The following NKAIN3 variants were observed in gnomAD, a reference collection of about 807,000 sequenced individuals.
NKAIN3 encodes the protein sodium/potassium transporting ATPase interacting 3, also known as sodium/potassium-transporting ATPase subunit beta-1-interacting protein 3.
A neutral mutation model predicts 30.2 loss-of-function variants in NKAIN3; 25 were observed. The observed-to-expected ratio is 0.83, with a 90% confidence interval of 0.60 to 1.16. The LOEUF (loss-of-function observed/expected upper bound fraction) is 1.16. Among genes scored for constraint, NKAIN3 ranks in the 50% most tolerant of loss-of-function variants. The probability of loss-of-function intolerance (pLI) is 0.00; values close to 1 mark genes in which losing one functional copy is unlikely to be tolerated. For synonymous variants in NKAIN3, 91 were observed against 89.6 expected, an observed-to-expected ratio of 1.02 and a Z score of -0.09; for missense variants, 225 against 254.1, an observed-to-expected ratio of 0.89 and a Z score of 0.78.
intron 4 of NKAIN3, among the ~76,000 whole-genome samples, chr8:62,841,996 C>T (rs1819543216): frequency 6.6e-6 from 1 of 152,102 alleles, no homozygotes; most frequent in Admixed American, 6.6e-5. Context: ...TGGTAAAAGC[C>T]ATTCTATTGG....
intron 4 of NKAIN3, among the ~76,000 whole-genome samples, chr8:62,865,357 G>A (rs1245109784): frequency 6.6e-6 from 1 of 152,208 alleles, no homozygotes; most frequent in African/African-American, 2.4e-5. Context: ...TTCCCAGAGC[G>A]TTGGACATAA....
intron 4 of NKAIN3, among the ~76,000 whole-genome samples, chr8:62,897,879 G>A (rs1821482715): frequency 6.6e-6 from 1 of 152,252 alleles, no homozygotes; most frequent in South Asian, 2.1e-4. Flanking sequence ...GACACAAGTT[G>A]ACGCAGCCTA....
At chr8:62,824,219 G>C (rs193294551) in intron 4 of NKAIN3, among the ~76,000 whole-genome samples, 4 of 152,276 alleles carry the variant, frequency 2.6e-5, no homozygotes, top group Admixed American at 2.0e-4. Flanking sequence ...TTCCGTGAAA[G>C]TATCTGAGCA....
chr8:62,416,862 C>T (rs1476108624), intron 1 of NKAIN3, among the ~76,000 whole-genome samples: 2 of 151,718 alleles, frequency 1.3e-5, no homozygotes, highest in Non-Finnish European at 2.9e-5. Flanking sequence ...AGCATGGTGG[C>T]GCACCAGTAA....
At chr8:62,256,439 CAAAT>C (rs150120749) in intron 1 of NKAIN3, among the ~76,000 whole-genome samples, 5,045 of 152,054 alleles carry the variant, frequency 0.033, 300 homozygotes, top group African/African-American at 0.12. Flanking sequence ...AACAAACAAA[CAAAT>C]AAGTAAATAA....
intron 3 of NKAIN3, among the ~76,000 whole-genome samples, chr8:62,739,716 A>G (rs1815802596): frequency 6.6e-6 from 1 of 152,198 alleles, no homozygotes; most frequent in Non-Finnish European, 1.5e-5. Flanking sequence ...TGAAAATAAA[A>G]GGCTCGATAA....
intron 4 of NKAIN3, among the ~76,000 whole-genome samples, chr8:62,756,126 G>T (rs1030941410): frequency 6.6e-6 from 1 of 152,132 alleles, no homozygotes; most frequent in East Asian, 1.9e-4. Flanking sequence ...TCATTTTAAA[G>T]TGTACAATTC....
intron 1 of NKAIN3, among the ~76,000 whole-genome samples, chr8:62,417,285 G>T (rs528802634): frequency 2.6e-5 from 4 of 152,150 alleles, no homozygotes; most frequent in South Asian, 2.1e-4. Context: ...CATCCATGTT[G>T]TTGCAGATAA....
rs1402726012 is a variant in NKAIN3, at chr8:62,345,494, C to CATATAT, written c.54+96368_54+96369insTATATA. On this transcript the variant is annotated intron_variant, in intron 1 of 6. Coordinates refer to ENST00000623646, the MANE Select transcript of NKAIN3 (RefSeq NM_001304533.3). Reference sequence around the variant, plus strand: ...ATATACACATATATGTATATATACACACATATATACACATATATACACATA... The same window carrying CATATAT: ...ATATACACATATATGTATATATACACATATATACATATATACACATATATACACATA... Among the ~76,000 whole-genome samples, 34 of 7,248 alleles carry CATATAT rather than the reference C, an allele frequency of 4.7e-3. 2 individuals carry two copies. The highest frequency in any genetic ancestry group is 7.1e-3 in the Non-Finnish European group (16 of 2,268). The allele number at this position is 7,248 out of a possible 152,430, so 4.8% of individuals were successfully genotyped here. A position where few individuals can be genotyped will look rare whatever the true frequency, so the allele number is the denominator to read the frequency against.
At chr8:62,545,311 A>G (rs1333192040) in intron 1 of NKAIN3, among the ~76,000 whole-genome samples, 1 of 152,130 alleles carries the variant, frequency 6.6e-6, no homozygotes, top group Non-Finnish European at 1.5e-5. Context: ...TCCACTGGGC[A>G]TGGTGGCTCA....
chr8:62,635,990 C>T (rs557558947), intron 3 of NKAIN3, among the ~76,000 whole-genome samples: 1 of 152,158 alleles, frequency 6.6e-6, no homozygotes, highest in African/African-American at 2.4e-5. Flanking sequence ...AGACCACTGC[C>T]CAAGCAGTCT....
intron 4 of NKAIN3, among the ~76,000 whole-genome samples, chr8:62,826,258 G>C (rs1044244762): frequency 6.6e-6 from 1 of 152,166 alleles, no homozygotes; most frequent in Middle Eastern, 3.4e-3. Flanking sequence ...ATTACCATAA[G>C]AGTAACAAGT....
chr8:62,860,355 C>T (rs1033130739), intron 4 of NKAIN3, among the ~76,000 whole-genome samples: 1 of 152,178 alleles, frequency 6.6e-6, no homozygotes, highest in African/African-American at 2.4e-5. Context: ...TGAGCCATCA[C>T]CTTTCTTGCA....
chr8:62,880,948 C>T (rs1035710000), intron 4 of NKAIN3, among the ~76,000 whole-genome samples: 1 of 152,186 alleles, frequency 6.6e-6, no homozygotes, highest in Non-Finnish European at 1.5e-5. Context: ...CAGCTTTCCC[C>T]ACCATCAGTA....
intron 1 of NKAIN3, among the ~76,000 whole-genome samples, chr8:62,412,614 G>T (rs1281767074): frequency 6.6e-6 from 1 of 151,912 alleles, no homozygotes; most frequent in African/African-American, 2.4e-5. Context: ...AATAACCTTG[G>T]CTGGGTGCGG....
At chr8:62,412,909 C>CAAAAAAAAA (rs71501599) in intron 1 of NKAIN3, among the ~76,000 whole-genome samples, 2 of 97,932 alleles carry the variant, frequency 2.0e-5, no homozygotes, top group Admixed American at 1.0e-4. Flanking sequence ...GAGACTCCGT[C>CAAAAAAAAA]AAAAAAAAAA....
intron 4 of NKAIN3, among the ~76,000 whole-genome samples, chr8:62,907,492 G>T (rs1451535110): frequency 2.6e-5 from 4 of 152,274 alleles, no homozygotes; most frequent in Admixed American, 2.6e-4. Context: ...TATCTCCAGG[G>T]CATTTCAGAG....
At chr8:62,929,475 A>G (rs1388533500) in intron 5 of NKAIN3, among the ~76,000 whole-genome samples, 1 of 152,196 alleles carries the variant, frequency 6.6e-6, no homozygotes, top group African/African-American at 2.4e-5. Flanking sequence ...TTTTTTACTT[A>G]AGGAAAACAA....
At chr8:62,883,374 A>T (rs1821046059) in intron 4 of NKAIN3, among the ~76,000 whole-genome samples, 1 of 150,150 alleles carries the variant, frequency 6.7e-6, no homozygotes, top group East Asian at 2.0e-4. Flanking sequence ...TTGCTAGTAT[A>T]TAGGAAAGTG....
Sources: allele counts gnomAD v4.1 joint callset (sites outside exome capture counted in the v4.1 genomes callset), GRCh38; gene constraint gnomAD v4.1.1; transcripts MANE v1.5; gene names NCBI Gene and HGNC (gene_info 2026-07-23, HGNC 2026-07-21).